The following PAFAH1B1 variants were observed in gnomAD, a reference collection of about 807,000 sequenced individuals.
PAFAH1B1 encodes platelet-activating factor acetylhydrolase IB subunit beta.
In PAFAH1B1, 2 loss-of-function variants were observed where a neutral mutation model predicts 57.5. The ratio of observed to expected loss-of-function variants is 0.03; its 90% CI spans 0.01 to 0.11. The LOEUF (loss-of-function observed/expected upper bound fraction) is 0.11. Ranked by LOEUF, PAFAH1B1 falls within the 10% of genes least tolerant of loss-of-function variation. The pLI is 1.00. For synonymous variants in PAFAH1B1, 152 were observed against 169.6 expected (o/e 0.90, Z 0.81); for missense variants, 257 against 512.0 (o/e 0.50, Z 4.81).
chr17:2,644,670 A>G (rs934686558), intron 2 of PAFAH1B1, among the ~76,000 whole-genome samples: 1 of 152,182 alleles, frequency 6.6e-6, no homozygotes, highest in Non-Finnish European at 1.5e-5. Context: ...TGTAACTCCA[A>G]ATAATACTGT....
At chr17:2,680,891 C>T in intron 10 of PAFAH1B1, 1 of 174,208 alleles carries the variant, frequency 5.7e-6, no homozygotes, top group South Asian at 1.3e-4. Flanking sequence ...TTATGCCATG[C>T]CTGGAACATC....
At chr17:2,665,585 C>A in intron 3 of PAFAH1B1, 129 bp downstream of exon 3, 2 of 600,648 alleles carry the variant, frequency 3.3e-6, no homozygotes, top group Non-Finnish European at 5.9e-6. Flanking sequence ...ACTTGATTTT[C>A]ACTCCTTTTT....
At chr17:2,615,000 G>A (rs900801655) in intron 1 of PAFAH1B1, among the ~76,000 whole-genome samples, 2 of 151,942 alleles carry the variant, frequency 1.3e-5, no homozygotes, top group Admixed American at 6.6e-5. Context: ...GCAGTTGGCC[G>A]TCCATATCCA....
In PAFAH1B1 at chr17:2,619,397, TA is replaced by T. The variant is rs1196173429; in HGVS notation, c.-190-18694del. Among the ~76,000 whole-genome samples, 3 of 152,182 alleles carry T rather than the reference TA, an allele frequency of 2.0e-5. No homozygotes were observed. In the South Asian group the frequency reaches 6.2e-4, roughly 32 times the overall value. ...GCATGTGCCACCATGCCTGGCTAAT[TA>T]AAAAAAATTTTTTTGGTAGAGACTG... On this transcript the variant is annotated intron_variant, in intron 1 of 10. Coordinates refer to ENST00000397195, the MANE Select transcript of PAFAH1B1 (RefSeq NM_000430.4).
intron 2 of PAFAH1B1, among the ~76,000 whole-genome samples, chr17:2,656,608 C>T (rs1278891805): frequency 6.6e-6 from 1 of 152,158 alleles, no homozygotes; most frequent in Non-Finnish European, 1.5e-5. Context: ...TCCTGCTCTT[C>T]AGTGCAGAGT....
intron 8 of PAFAH1B1, 51 bp downstream of exon 8, chr17:2,674,339 C>G (rs1344235571): frequency 7.4e-7 from 1 of 1,351,552 alleles, no homozygotes; most frequent in East Asian, 2.3e-5. Flanking sequence ...ATCTGAAGTC[C>G]TTAGATAACT....
chr17:2,620,433 AATAG>A (rs1398708774), intron 1 of PAFAH1B1, among the ~76,000 whole-genome samples: 2 of 152,200 alleles, frequency 1.3e-5, no homozygotes, highest in Admixed American at 6.5e-5. Flanking sequence ...TTATCTAAAA[AATAG>A]ATTATTAGGT....
chr17:2,626,716 G>A (rs753036231), intron 1 of PAFAH1B1, among the ~76,000 whole-genome samples: 29 of 151,848 alleles, frequency 1.9e-4, no homozygotes, highest in South Asian at 4.2e-4. Flanking sequence ...CACCAAGCCC[G>A]GCTAATTTTT....
intron 1 of PAFAH1B1, among the ~76,000 whole-genome samples, chr17:2,601,630 TG>T (rs1395123788): frequency 6.6e-6 from 1 of 152,196 alleles, no homozygotes; most frequent in African/African-American, 2.4e-5. Flanking sequence ...TTAGGAGAGA[TG>T]GAGTATCACC....
Position 2,670,188 on chromosome 17 carries a change from T to G in PAFAH1B1, c.425T>G (p.Phe142Cys). The change falls in exon 6 of 11, where the codon TTT (phenylalanine) becomes TGT (cysteine). Residue 142 changes from phenylalanine to cysteine, a missense_variant. Coordinates refer to ENST00000397195, the MANE Select transcript of PAFAH1B1 (RefSeq NM_000430.4). ...IKVWDYETGDFERTLKGHTDS... is the reference protein window; with the variant it reads ...IKVWDYETGDCERTLKGHTDS... ...GTGTGGGATTATGAGACTGGAGATT[T>G]TGAACGAACTCTTAAAGGACATACA... 1 of 1,614,188 alleles carries G rather than the reference T, an allele frequency of 6.2e-7. No individual in the cohort carries two copies. The highest frequency in any genetic ancestry group is 8.5e-7 in the Non-Finnish European group (1 of 1,180,012).
intron 2 of PAFAH1B1, among the ~76,000 whole-genome samples, chr17:2,645,309 A>G (rs1409852736): frequency 6.6e-6 from 1 of 151,740 alleles, no homozygotes; most frequent in Non-Finnish European, 1.5e-5. Flanking sequence ...TTTAAATGTA[A>G]ATCTGGGGCC....
intron 1 of PAFAH1B1, among the ~76,000 whole-genome samples, chr17:2,624,584 G>T (rs1343325211): frequency 3.3e-5 from 5 of 152,162 alleles, no homozygotes; most frequent in East Asian, 1.9e-4. Flanking sequence ...GTCAGATCTT[G>T]TGAGACTTAC....
intron 1 of PAFAH1B1, among the ~76,000 whole-genome samples, chr17:2,633,349 G>A (rs1203812275): frequency 3.3e-5 from 5 of 151,554 alleles, no homozygotes. Flanking sequence ...TGTATTTTTA[G>A]TAGAGATGGG....
rs2069417329 is a variant in PAFAH1B1, at chr17:2,683,442, T to C, written c.*1640T>C. ...GTGATTTTTTAAATGTCCCCTTTAG[T>C]ATTTAATGGAAAATTGGTTCCTGCA... On this transcript the variant is annotated 3_prime_UTR_variant, in exon 11 of 11. Transcript: ENST00000397195. 1 of 152,236 alleles carries C rather than the reference T, an allele frequency of 6.6e-6. No homozygotes were observed. The highest frequency in any genetic ancestry group is 1.5e-5 in the Non-Finnish European group (1 of 68,046). 9.4% of individuals were successfully genotyped at this position (152,236 alleles called of 1,614,324 possible).
chr17:2,641,608 T>C (rs896180072), intron 2 of PAFAH1B1: 1 of 152,206 alleles, frequency 6.6e-6, no homozygotes, highest in Admixed American at 6.5e-5. Flanking sequence ...TTCTATCATT[T>C]TGGGAGATTA....
chr17:2,598,255 A>G (rs912800118), intron 1 of PAFAH1B1, among the ~76,000 whole-genome samples: 1 of 152,152 alleles, frequency 6.6e-6, no homozygotes. Flanking sequence ...ATCTCAAAAA[A>G]TAAATAAATA....
chr17:2,599,740 G>A (rs1271439112), intron 1 of PAFAH1B1, among the ~76,000 whole-genome samples: 1 of 152,062 alleles, frequency 6.6e-6, no homozygotes, highest in African/African-American at 2.4e-5. Flanking sequence ...AGTATAAAAA[G>A]TGAATTAACT....
intron 2 of PAFAH1B1, among the ~76,000 whole-genome samples, chr17:2,654,621 A>G (rs1412042067): frequency 6.6e-6 from 1 of 152,138 alleles, no homozygotes; most frequent in African/African-American, 2.4e-5. Flanking sequence ...GAGGAGGATT[A>G]AAATATTCTC....
chr17:2,634,427 G>A (rs1265250897), intron 1 of PAFAH1B1, among the ~76,000 whole-genome samples: 4 of 152,042 alleles, frequency 2.6e-5, no homozygotes, highest in Admixed American at 1.3e-4. Flanking sequence ...ATGAGCCACC[G>A]CGCCCAGTCT....
Sources: allele counts gnomAD v4.1 joint callset (sites outside exome capture counted in the v4.1 genomes callset), GRCh38; gene constraint gnomAD v4.1.1; transcripts MANE v1.5; gene names NCBI Gene and HGNC (gene_info 2026-07-23, HGNC 2026-07-21).